GPC5: variants seen among roughly 807,000 people sequenced by gnomAD.
GPC5 encodes glypican-5.
Under a neutral mutation model 53.9 loss-of-function variants are expected in GPC5, and 47 were observed. That is an observed-to-expected ratio of 0.87 (90% CI 0.69 to 1.11). The LOEUF is 1.11. GPC5 is among the 50% of genes most tolerant of loss of function. The pLI is 0.00. For missense variants in GPC5, 748 were observed against 713.1 expected (o/e 1.05, Z -0.56); for synonymous variants, 286 against 263.3 (o/e 1.09, Z -0.84).
intron 7 of GPC5, among the ~76,000 whole-genome samples, chr13:92,442,858 T>C (rs2139387923): frequency 6.6e-6 from 1 of 152,320 alleles, no homozygotes; most frequent in Admixed American, 6.5e-5. Flanking sequence ...AAATTTTTTT[T>C]CTCACATTTG....
intron 1 of GPC5, among the ~76,000 whole-genome samples, chr13:91,437,934 C>A (rs1028606716): frequency 3.3e-5 from 5 of 152,140 alleles, no homozygotes; most frequent in Non-Finnish European, 4.4e-5. Flanking sequence ...TCACTGGTAC[C>A]TTTTCTTCCA....
At chr13:92,296,388 C>T (rs2043034632) in intron 7 of GPC5, among the ~76,000 whole-genome samples, 1 of 152,038 alleles carries the variant, frequency 6.6e-6, no homozygotes, top group Non-Finnish European at 1.5e-5. Flanking sequence ...TAGAGCTAAG[C>T]ATGTCTGAGC....
chr13:92,775,004 A>G (rs982787832), intron 7 of GPC5, among the ~76,000 whole-genome samples: 1 of 152,224 alleles, frequency 6.6e-6, no homozygotes, highest in Non-Finnish European at 1.5e-5. Context: ...GACACCAGCC[A>G]CACATTCTCT....
intron 7 of GPC5, among the ~76,000 whole-genome samples, chr13:92,293,460 G>A (rs952976354): frequency 5.0e-5 from 4 of 80,054 alleles, no homozygotes; most frequent in Non-Finnish European, 9.1e-5. Context: ...GGCAGCTATT[G>A]TAAAAGGTTG....
intron 5 of GPC5, among the ~76,000 whole-genome samples, chr13:91,778,954 G>A (rs1366907755): frequency 3.9e-5 from 6 of 152,156 alleles, no homozygotes; most frequent in Non-Finnish European, 8.8e-5. Context: ...AATGCTGTAG[G>A]CAATTGTAAC....
intron 7 of GPC5, among the ~76,000 whole-genome samples, chr13:92,748,457 G>A (rs1889296059): frequency 1.3e-5 from 2 of 151,704 alleles, no homozygotes; most frequent in South Asian, 4.2e-4. Context: ...TCAGCCTCCT[G>A]AGTAGCTGGT....
At chr13:91,922,195 CAT>C (rs1182573698) in intron 6 of GPC5, among the ~76,000 whole-genome samples, 1 of 152,112 alleles carries the variant, frequency 6.6e-6, no homozygotes, top group Non-Finnish European at 1.5e-5. Context: ...GAGCAGGAAA[CAT>C]AGTGTATAAA....
chr13:91,852,233 T>G (rs1322493291), intron 5 of GPC5, among the ~76,000 whole-genome samples: 1 of 151,658 alleles, frequency 6.6e-6, no homozygotes, highest in African/African-American at 2.4e-5. Flanking sequence ...AAAAAATTAT[T>G]TTTTAATTAT....
intron 7 of GPC5, among the ~76,000 whole-genome samples, chr13:92,370,855 ATCT>A (rs2043644628): frequency 6.6e-6 from 1 of 152,252 alleles, no homozygotes; most frequent in South Asian, 2.1e-4. Context: ...TTTGGTAAAG[ATCT>A]TCTTGGCTGG....
chr13:91,710,607 A>G (rs1454747122), intron 3 of GPC5, among the ~76,000 whole-genome samples: 4 of 152,250 alleles, frequency 2.6e-5, no homozygotes, highest in Admixed American at 2.6e-4. Flanking sequence ...CCATTTCTTA[A>G]TTCAGGAATG....
At chr13:91,698,954 T>C (rs1384558403) in intron 3 of GPC5, among the ~76,000 whole-genome samples, 1 of 152,232 alleles carries the variant, frequency 6.6e-6, no homozygotes, top group Admixed American at 6.5e-5. Context: ...CTATTGCATA[T>C]AATTTCAGTG....
At chr13:92,046,354 C>A (rs2040982116) in intron 6 of GPC5, among the ~76,000 whole-genome samples, 1 of 152,114 alleles carries the variant, frequency 6.6e-6, no homozygotes, top group African/African-American at 2.4e-5. Flanking sequence ...TTATATTCTC[C>A]AAGCAAACTC....
chr13:92,311,410 G>T (rs1007193058), intron 7 of GPC5, among the ~76,000 whole-genome samples: 1 of 152,052 alleles, frequency 6.6e-6, no homozygotes, highest in Non-Finnish European at 1.5e-5. Flanking sequence ...TCAATTACTC[G>T]TACATTTTAT....
At chr13:91,779,848 A>G (rs2037770791) in intron 5 of GPC5, among the ~76,000 whole-genome samples, 1 of 152,148 alleles carries the variant, frequency 6.6e-6, no homozygotes, top group Non-Finnish European at 1.5e-5. Context: ...TTTTTCTGGA[A>G]TACCTCCTTA....
chr13:92,415,578 G>A (rs1471015878), intron 7 of GPC5, among the ~76,000 whole-genome samples: 1 of 151,964 alleles, frequency 6.6e-6, no homozygotes, highest in Non-Finnish European at 1.5e-5. Context: ...TCCTGCAATA[G>A]TGAGCTTGAA....
At chr13:91,930,143 C>A (rs531445877) in intron 6 of GPC5, among the ~76,000 whole-genome samples, 1 of 152,098 alleles carries the variant, frequency 6.6e-6, no homozygotes, top group Admixed American at 6.6e-5. Context: ...AGGTCATGCA[C>A]GAGGCCTTTC....
chr13:92,674,320 G>A (rs1459457829), intron 7 of GPC5, among the ~76,000 whole-genome samples: 3 of 152,050 alleles, frequency 2.0e-5, no homozygotes, highest in Admixed American at 2.0e-4. Flanking sequence ...TTTTCCCTGG[G>A]GCACTTGGCA....
intron 6 of GPC5, among the ~76,000 whole-genome samples, chr13:92,110,411 C>T (rs938336889): frequency 3.9e-5 from 6 of 152,016 alleles, no homozygotes; most frequent in Non-Finnish European, 1.5e-5. Context: ...CTGAAATGGC[C>T]CTTCTGCAGC....
chr13:92,742,526 T>C, intron 7 of GPC5, among the ~76,000 whole-genome samples: 1 of 147,326 alleles, frequency 6.8e-6, no homozygotes, highest in Non-Finnish European at 1.5e-5. Context: ...TCCCATGTTG[T>C]AGGTTGCCTG....
Sources: gnomAD v4.1 joint callset for allele counts (sites outside exome capture counted in the v4.1 genomes callset) on GRCh38, gnomAD v4.1.1 for gene constraint, MANE v1.5 for transcripts, NCBI Gene and HGNC (gene_info 2026-07-23, HGNC 2026-07-21) for gene names.